CSMD2: variants seen among roughly 807,000 people sequenced by gnomAD.
CSMD2 encodes the protein CUB and sushi domain-containing protein 2.
In CSMD2, 130 loss-of-function variants were observed where a neutral mutation model predicts 398.5. That is an observed-to-expected ratio of 0.33 (90% CI 0.28 to 0.38). CSMD2 has a LOEUF of 0.38. CSMD2 is among the 10% of genes least tolerant of loss of function. The probability of loss-of-function intolerance (pLI) is 1.00; values close to 1 mark genes in which losing one functional copy is unlikely to be tolerated. For synonymous variants in CSMD2, 1,828 were observed against 1,908.5 expected (o/e 0.96, Z 1.10); for missense variants, 3,829 against 4,764.9 (o/e 0.80, Z 5.78).
intron 1 of CSMD2, among the ~76,000 whole-genome samples, chr1:34,160,536 G>A (rs1357066521): frequency 6.6e-6 from 1 of 152,082 alleles, no homozygotes; most frequent in Admixed American, 6.5e-5. Context: ...TGGCTTCCTT[G>A]ACCCCCGATT....
intron 5 of CSMD2, among the ~76,000 whole-genome samples, chr1:33,902,045 G>A (rs952578219): frequency 6.6e-6 from 1 of 152,118 alleles, no homozygotes; most frequent in African/African-American, 2.4e-5. Flanking sequence ...AATTAGTTGA[G>A]TTCTATTCTC....
chr1:33,940,336 C>A (rs1644625960), intron 3 of CSMD2, among the ~76,000 whole-genome samples: 2 of 152,162 alleles, frequency 1.3e-5, no homozygotes, highest in African/African-American at 4.8e-5. Context: ...GTCATATTCA[C>A]AGGTACTGGG....
Position 33,684,682 on chromosome 1 carries a change from T to C in CSMD2, c.4052+8248A>G, listed in dbSNP as rs555982701. Among the ~76,000 whole-genome samples, 60 of 152,180 alleles carry C rather than the reference T, an allele frequency of 3.9e-4. 1 individual carries two copies. Among genetic ancestry groups the C allele is most frequent in the Middle Eastern group, 3.2e-3 (1 of 316 alleles). ...ATGAGCTCTTCCAGAAGCAGCTGTG[T>C]ACATTCATATCTTCCTCCCTTTCAC... On this transcript the variant is annotated intron_variant, in intron 25 of 70. Coordinates refer to ENST00000373381, the MANE Select transcript of CSMD2 (RefSeq NM_001281956.2).
chr1:33,526,689 C>T (rs960538871), intron 65 of CSMD2, among the ~76,000 whole-genome samples: 1 of 152,180 alleles, frequency 6.6e-6, no homozygotes, highest in African/African-American at 2.4e-5. Context: ...AGCCTCGTTT[C>T]CTGCATAATA....
At chr1:33,650,758 C>CT (rs1398371073) in intron 28 of CSMD2, among the ~76,000 whole-genome samples, 2 of 152,158 alleles carry the variant, frequency 1.3e-5, no homozygotes, top group Non-Finnish European at 2.9e-5. Context: ...GTGTGCCACT[C>CT]TATCAGTTTT....
In CSMD2 at chr1:33,714,914, G is replaced by C. The variant is rs996987414; in HGVS notation, c.3218-139C>G. The C allele has an allele frequency of 5.1e-6, 4 of 783,438 alleles. No homozygotes were observed. In the Admixed American group the frequency reaches 1.1e-4, roughly 21 times the overall value. 48.5% of individuals were successfully genotyped at this position (783,438 alleles called of 1,614,324 possible). A position where few individuals can be genotyped will look rare whatever the true frequency, so the allele number is the denominator to read the frequency against. ...CAGAGAAGAGGGCATGCGCACACTGGCCCACAAAAGGTGACACTGGCCCAA... is the reference window on the plus strand; with the variant it reads ...CAGAGAAGAGGGCATGCGCACACTGCCCCACAAAAGGTGACACTGGCCCAA... On this transcript the variant is annotated intron_variant, in intron 20 of 70. Transcript: ENST00000373381.
chr1:33,595,282 G>C (rs1557593079), intron 44 of CSMD2, among the ~76,000 whole-genome samples: 1 of 152,154 alleles, frequency 6.6e-6, no homozygotes, highest in East Asian at 1.9e-4. Flanking sequence ...CGTCCCTCAA[G>C]TTAGGTTTGC....
At position 33,820,320 on chromosome 1, in the gene CSMD2, C is replaced by CA. The variant is rs1657963972; in HGVS notation, c.1199+148dup. ...CAAGGACTGAACCAGGAGAGAATGT[C>CA]AAAGCCATAGCTCTTCTCCAGGAAG... is the stretch of plus-strand genomic sequence containing the variant. On this transcript the variant is annotated intron_variant, in intron 8 of 70. Transcript: ENST00000373381. 1.3e-4 allele frequency: 89 copies of CA among 684,038 alleles called. 1 individual carries two copies. The South Asian group carries it at 1.5e-3, about 11-fold the overall frequency. The allele number at this position is 684,038 out of a possible 1,614,324, so 42.4% of individuals were successfully genotyped here. A position where few individuals can be genotyped will look rare whatever the true frequency, so the allele number is the denominator to read the frequency against.
intron 62 of CSMD2, among the ~76,000 whole-genome samples, 188 bp downstream of exon 62, chr1:33,536,834 G>GTCC (rs1655840749): frequency 6.6e-6 from 1 of 152,212 alleles, no homozygotes; most frequent in Admixed American, 6.5e-5. Flanking sequence ...GGATGTTAGG[G>GTCC]TCCTGCTGTC....
chr1:33,754,548 G>C (rs925064079), intron 13 of CSMD2, among the ~76,000 whole-genome samples: 31 of 152,262 alleles, frequency 2.0e-4, no homozygotes, highest in African/African-American at 7.5e-4. Context: ...AACAATGCAA[G>C]AATGGGCTAA....
chr1:33,728,146 C>T lies in CSMD2; in HGVS notation c.2369-1461G>A, dbSNP rs142042054. On this transcript the variant is annotated intron_variant, in intron 15 of 70. Coordinates refer to ENST00000373381, the MANE Select transcript of CSMD2 (RefSeq NM_001281956.2). ...TAAATCCAGAGATTTTAAGCTAAGC[C>T]GCCTCCCATGTCAAAGGAACCTCTG... is the stretch of plus-strand genomic sequence containing the variant. Among the ~76,000 whole-genome samples the T allele has an allele frequency of 4.9e-3, 746 of 152,210 alleles. 1 individual carries two copies. Among genetic ancestry groups the T allele is most frequent in the Non-Finnish European group, 7.2e-3 (493 of 68,010 alleles).
At chr1:33,574,109 A>G (rs1659850739) in intron 49 of CSMD2, among the ~76,000 whole-genome samples, 1 of 152,232 alleles carries the variant, frequency 6.6e-6, no homozygotes, top group Admixed American at 6.5e-5. Context: ...AGACATGTAA[A>G]GTCTCAGAAA....
chr1:33,887,224 T>C (rs2125192962), intron 5 of CSMD2, among the ~76,000 whole-genome samples: 1 of 137,134 alleles, frequency 7.3e-6, no homozygotes, highest in African/African-American at 2.8e-5. Flanking sequence ...GAATTGCTCC[T>C]AAAGAAATAA....
intron 3 of CSMD2, among the ~76,000 whole-genome samples, chr1:34,029,428 G>A (rs1280516987): frequency 1.3e-5 from 2 of 152,180 alleles, no homozygotes; most frequent in African/African-American, 2.4e-5. Flanking sequence ...TAAGCTCAAC[G>A]ATAGACATCC....
chr1:33,701,944 T>G (rs1484680438), intron 22 of CSMD2, among the ~76,000 whole-genome samples: 2 of 152,240 alleles, frequency 1.3e-5, no homozygotes, highest in Non-Finnish European at 2.9e-5. Flanking sequence ...CATGTGTTTC[T>G]TTAATAAAAG....
intron 64 of CSMD2, among the ~76,000 whole-genome samples, chr1:33,530,659 A>G (rs1454313815): frequency 6.6e-6 from 1 of 152,248 alleles, no homozygotes; most frequent in Non-Finnish European, 1.5e-5. Flanking sequence ...TTATTGAGGC[A>G]TTATTCATAA....
intron 2 of CSMD2, among the ~76,000 whole-genome samples, chr1:34,077,877 C>T (rs1437927692): frequency 6.6e-6 from 1 of 152,032 alleles, no homozygotes; most frequent in Non-Finnish European, 1.5e-5. Context: ...GAAGCCCAAA[C>T]CCCTCCATTG....
chr1:33,714,507 C>T (rs1646096967), intron 21 of CSMD2, 80 bp downstream of exon 21: 1 of 1,493,478 alleles, frequency 6.7e-7, no homozygotes, highest in Non-Finnish European at 9.2e-7. Context: ...GGCCTGTGTG[C>T]CGTCCACCAC....
chr1:33,781,062 G>A (rs1652700116), intron 12 of CSMD2, among the ~76,000 whole-genome samples: 1 of 152,312 alleles, frequency 6.6e-6, no homozygotes, highest in South Asian at 2.1e-4. Flanking sequence ...TCTTCTGGGG[G>A]CTCAGCAGTG....
Sources: gnomAD v4.1 joint callset for allele counts (sites outside exome capture counted in the v4.1 genomes callset) on GRCh38, gnomAD v4.1.1 for gene constraint, MANE v1.5 for transcripts, NCBI Gene and HGNC (gene_info 2026-07-23, HGNC 2026-07-21) for gene names.